Variants in CPNE4 observed in about 807,000 individuals in gnomAD.
The protein encoded by CPNE4 is copine 4, also known as copine-4.
CPNE4 carries 25 observed loss-of-function variants against 67.9 expected under a neutral mutation model. The ratio of observed to expected loss-of-function variants is 0.37; its 90% CI spans 0.27 to 0.51. The LOEUF is 0.51. Ranked by LOEUF, CPNE4 falls within the 20% of genes least tolerant of loss-of-function variation. CPNE4 has a pLI of 0.93. For missense variants in CPNE4, 464 were observed against 690.8 expected (o/e 0.67, Z 3.68); for synonymous variants, 242 against 244.9 (o/e 0.99, Z 0.11).
chr3:131,983,980 G>A (rs946633965), intron 1 of CPNE4, among the ~76,000 whole-genome samples: 1 of 152,190 alleles, frequency 6.6e-6, no homozygotes, highest in Non-Finnish European at 1.5e-5. Context: ...AGTGAATTCA[G>A]TACTCCTGCC....
At chr3:131,652,368 A>G (rs2079835536) in intron 7 of CPNE4, among the ~76,000 whole-genome samples, 1 of 152,212 alleles carries the variant, frequency 6.6e-6, no homozygotes, top group Admixed American at 6.5e-5. Flanking sequence ...AACCAAATTG[A>G]TCTGTAGTCT....
intron 8 of CPNE4, among the ~76,000 whole-genome samples, chr3:131,586,885 C>G (rs1215269751): frequency 6.6e-6 from 1 of 152,016 alleles, no homozygotes; most frequent in African/African-American, 2.4e-5. Context: ...GTGTACAGGT[C>G]TTGGCATCAA....
chr3:132,006,213 G>A (rs561380930), intron 1 of CPNE4, among the ~76,000 whole-genome samples: 3 of 152,054 alleles, frequency 2.0e-5, no homozygotes, highest in African/African-American at 7.2e-5. Flanking sequence ...TGATATCATG[G>A]AAAAAGCATG....
intron 1 of CPNE4, among the ~76,000 whole-genome samples, chr3:132,018,250 G>T (rs979634817): frequency 6.6e-6 from 1 of 152,132 alleles, no homozygotes; most frequent in African/African-American, 2.4e-5. Flanking sequence ...TATGCTTTAG[G>T]GATGTCCATA....
chr3:131,926,862 T>C (rs2070909651), intron 1 of CPNE4, among the ~76,000 whole-genome samples: 1 of 151,878 alleles, frequency 6.6e-6, no homozygotes, highest in African/African-American at 2.4e-5. Flanking sequence ...AAGCAGGCAA[T>C]AGAAAGATAA....
At chr3:131,675,980 G>GT (rs997962419) in intron 6 of CPNE4, among the ~76,000 whole-genome samples, 6 of 147,838 alleles carry the variant, frequency 4.1e-5, no homozygotes, top group Admixed American at 2.7e-4. Flanking sequence ...TGTATCTGTT[G>GT]TTTTTCAATT....
intron 12 of CPNE4, among the ~76,000 whole-genome samples, chr3:131,554,839 T>A (rs1420794799): frequency 6.6e-6 from 1 of 152,020 alleles, no homozygotes; most frequent in African/African-American, 2.4e-5. Flanking sequence ...GTCCACCTAG[T>A]GGGCACGAGT....
intron 1 of CPNE4, among the ~76,000 whole-genome samples, chr3:132,030,925 T>A (rs1316400722): frequency 6.6e-6 from 1 of 152,240 alleles, no homozygotes; most frequent in African/African-American, 2.4e-5. Flanking sequence ...GAAAAGATGA[T>A]GCATCTTACC....
intron 1 of CPNE4, among the ~76,000 whole-genome samples, chr3:131,993,449 C>G (rs2073214994): frequency 1.1e-5 from 1 of 90,446 alleles, no homozygotes; most frequent in Middle Eastern, 7.7e-3. Context: ...CAGAAAACAC[C>G]CTGATTTCGT....
At chr3:131,901,641 T>C (rs1189733044) in intron 2 of CPNE4, among the ~76,000 whole-genome samples, 2 of 151,490 alleles carry the variant, frequency 1.3e-5, no homozygotes, top group East Asian at 1.9e-4. Context: ...CTGGTAGGAG[T>C]AGGAGAAATA....
chr3:131,946,305 T>C (rs1016365249), intron 1 of CPNE4, among the ~76,000 whole-genome samples: 23 of 152,334 alleles, frequency 1.5e-4, no homozygotes, highest in African/African-American at 4.8e-4. Flanking sequence ...ATCTTGTACA[T>C]AGCATAATAC....
At chr3:131,707,313 T>C (rs1270897708) in intron 3 of CPNE4, among the ~76,000 whole-genome samples, 1 of 152,114 alleles carries the variant, frequency 6.6e-6, no homozygotes, top group Non-Finnish European at 1.5e-5. Context: ...GCTCCTCAGC[T>C]TGTGGCTGCC....
chr3:131,912,795 C>T (rs1052704538), intron 1 of CPNE4, among the ~76,000 whole-genome samples: 7 of 152,094 alleles, frequency 4.6e-5, no homozygotes, highest in Non-Finnish European at 7.4e-5. Context: ...TCACCATCAT[C>T]ACAAATCACC....
At chr3:131,803,908 C>T (rs372767073) in intron 2 of CPNE4, among the ~76,000 whole-genome samples, 1 of 152,130 alleles carries the variant, frequency 6.6e-6, no homozygotes, top group Non-Finnish European at 1.5e-5. Flanking sequence ...AATTAAAGTT[C>T]TTATTAAGGT....
chr3:131,769,962 C>T lies in CPNE4; in HGVS notation c.181-46337G>A, dbSNP rs556879112. Among the ~76,000 whole-genome samples the T allele has an allele frequency of 2.0e-5, 3 of 152,108 alleles. No homozygotes were observed. In the South Asian group the frequency reaches 6.2e-4, roughly 32 times the overall value. On this transcript the variant is annotated intron_variant, in intron 2 of 15. Transcript: ENST00000429747. Reference sequence around the variant, plus strand: ...GAATTAAACTACTCTTGTTCTGGGCCCCAAAACACTCAAGATGAGTTTGCA... The same window carrying T: ...GAATTAAACTACTCTTGTTCTGGGCTCCAAAACACTCAAGATGAGTTTGCA...
chr3:132,002,331 C>G (rs1457182264), intron 1 of CPNE4, among the ~76,000 whole-genome samples: 1 of 152,130 alleles, frequency 6.6e-6, no homozygotes, highest in Admixed American at 6.6e-5. Flanking sequence ...AACTAAGGCT[C>G]TCATTAATGT....
chr3:131,860,755 C>T (rs931914751), intron 2 of CPNE4, among the ~76,000 whole-genome samples: 1 of 152,164 alleles, frequency 6.6e-6, no homozygotes, highest in Non-Finnish European at 1.5e-5. Context: ...AAGTAACTAC[C>T]TATCGTCTGT....
intron 2 of CPNE4, among the ~76,000 whole-genome samples, chr3:131,887,247 C>T (rs887580435): frequency 2.1e-4 from 32 of 152,182 alleles, no homozygotes; most frequent in African/African-American, 6.5e-4. Context: ...TTTGCGTCTT[C>T]GTCATTCTCT....
In CPNE4 at chr3:131,542,426, G is replaced by C; in HGVS notation, c.1539+131C>G. ...AAGCCAGGTCATCTCCCACAGCAAG[G>C]GTATGTAGAGCATAGCTGGTGTTGC... On this transcript the variant is annotated intron_variant, in intron 15 of 15. Coordinates refer to ENST00000429747, the MANE Select transcript of CPNE4 (RefSeq NM_130808.3). 5 of 730,898 alleles carry C rather than the reference G, an allele frequency of 6.8e-6. No homozygotes were observed. The East Asian group carries it at 1.2e-4, about 18-fold the overall frequency. The allele number at this position is 730,898 out of a possible 1,614,324, so 45.3% of individuals were successfully genotyped here.
Sources: allele counts gnomAD v4.1 joint callset (sites outside exome capture counted in the v4.1 genomes callset), GRCh38; gene constraint gnomAD v4.1.1; transcripts MANE v1.5; gene names NCBI Gene and HGNC (gene_info 2026-07-23, HGNC 2026-07-21).